The following RASA2 variants were observed in gnomAD, a reference collection of about 807,000 sequenced individuals.
RASA2 encodes the protein RAS p21 protein activator 2, also known as ras GTPase-activating protein 2.
Under a neutral mutation model 118.2 loss-of-function variants are expected in RASA2, and 155 were observed. The ratio of observed to expected loss-of-function variants is 1.31; its 90% CI spans 1.15 to 1.50. RASA2 has a LOEUF of 1.50. Among genes scored for constraint, RASA2 ranks in the 40% most tolerant of loss-of-function variants. The pLI, the probability that RASA2 is intolerant of heterozygous loss-of-function variation, is 0.00. For synonymous variants in RASA2, 353 were observed against 349.1 expected (o/e 1.01, Z -0.12); for missense variants, 1,016 against 1,009.6 (o/e 1.01, Z -0.09).
chr3:141,512,712 A>G (rs1286335707), intron 2 of RASA2, among the ~76,000 whole-genome samples: 1 of 152,210 alleles, frequency 6.6e-6, no homozygotes. Flanking sequence ...GCACCGTAGC[A>G]ATGTGAACAT....
chr3:141,506,281 C>T (rs762504898), intron 1 of RASA2, among the ~76,000 whole-genome samples: 3 of 152,198 alleles, frequency 2.0e-5, no homozygotes, highest in Non-Finnish European at 4.4e-5. Context: ...GAAATAGTGA[C>T]AGTTGTACAC....
At chr3:141,508,200 C>T (rs1344062352) in intron 1 of RASA2, among the ~76,000 whole-genome samples, 4 of 151,364 alleles carry the variant, frequency 2.6e-5, no homozygotes, top group East Asian at 1.9e-4. Flanking sequence ...AGTTTCCTCA[C>T]GTTTAAGATG....
At chr3:141,506,683 C>T (rs916376059) in intron 1 of RASA2, among the ~76,000 whole-genome samples, 10 of 151,778 alleles carry the variant, frequency 6.6e-5, no homozygotes, top group Admixed American at 1.3e-4. Context: ...GAGGCCAAGG[C>T]AGGCAGATCT....
At chr3:141,546,725 G>A (rs1053426215) in intron 5 of RASA2, among the ~76,000 whole-genome samples, 1 of 152,104 alleles carries the variant, frequency 6.6e-6, no homozygotes, top group African/African-American at 2.4e-5. Flanking sequence ...CGCTTTGGTT[G>A]CCTGTGCTTG....
At chr3:141,494,942 A>T (rs2081682162) in intron 1 of RASA2, among the ~76,000 whole-genome samples, 1 of 152,212 alleles carries the variant, frequency 6.6e-6, no homozygotes, top group Non-Finnish European at 1.5e-5. Flanking sequence ...AGATCCAGTG[A>T]GGGCAGTCAG....
chr3:141,542,697 G>A (rs949741100), intron 5 of RASA2, among the ~76,000 whole-genome samples: 2 of 151,994 alleles, frequency 1.3e-5, no homozygotes, highest in South Asian at 2.1e-4. Context: ...TATCATGTGT[G>A]TTGATTTGTG....
chr3:141,531,321 G>C (rs1293676456), intron 4 of RASA2, among the ~76,000 whole-genome samples: 1 of 151,368 alleles, frequency 6.6e-6, no homozygotes, highest in Non-Finnish European at 1.5e-5. Context: ...GCTCTCAAAA[G>C]GTAAAAATCT....
intron 3 of RASA2, among the ~76,000 whole-genome samples, chr3:141,529,503 A>G (rs1463962968): frequency 1.3e-5 from 2 of 152,124 alleles, no homozygotes; most frequent in Non-Finnish European, 1.5e-5. Flanking sequence ...GACCCAGACA[A>G]ATGTCTGCCA....
At chr3:141,493,583 A>T (rs1446052752) in intron 1 of RASA2, among the ~76,000 whole-genome samples, 1 of 152,096 alleles carries the variant, frequency 6.6e-6, no homozygotes, top group Non-Finnish European at 1.5e-5. Flanking sequence ...TACCTAAATG[A>T]TGGCAACCTG....
intron 1 of RASA2, among the ~76,000 whole-genome samples, chr3:141,500,282 T>A (rs1169634407): frequency 6.6e-6 from 1 of 152,154 alleles, no homozygotes; most frequent in Non-Finnish European, 1.5e-5. Flanking sequence ...CTGAAGGGGG[T>A]AAATTTGAGA....
At chr3:141,527,176 G>A (rs1210210668) in intron 3 of RASA2, among the ~76,000 whole-genome samples, 1 of 152,276 alleles carries the variant, frequency 6.6e-6, no homozygotes, top group East Asian at 1.9e-4. Context: ...AATAAACTTT[G>A]TAGGCAACCC....
rs1286068131 is a variant in RASA2, at chr3:141,529,710, A to G, written c.358A>G (p.Lys120Glu). 5 of 1,607,550 alleles carry G rather than the reference A, an allele frequency of 3.1e-6. No homozygotes were observed. The highest frequency in any genetic ancestry group is 4.3e-6 in the Non-Finnish European group (5 of 1,174,910). ...NVLQRDLRIG[K>E]VAIKKEDLCN... is the part of the protein sequence containing the mutation. The stretch of plus-strand genomic sequence containing the variant: ...ATTGTTTTACTTATTTTCTGTAGGA[A>G]AAGTAGCCATCAAAAAAGAAGACTT... The change falls in exon 4 of 24, where the codon AAA (lysine) becomes GAA (glutamate). Residue 120 changes from lysine (K) to glutamate (E), a missense_variant and splice_region_variant. Physicochemically the swap from Lys to Glu is moderately conservative, Grantham distance 56 (BLOSUM62 1). Around this residue, in one of 2 missense-constraint regions of RASA2, gnomAD observed 896 missense variants for 836.4 expected, o/e 1.07. Coordinates refer to ENST00000286364, the MANE Select transcript of RASA2 (RefSeq NM_006506.5).
chr3:141,614,484 A>C lies in RASA2; in HGVS notation c.*2171A>C, dbSNP rs1175048389. 1 of 152,234 alleles carries C rather than the reference A, an allele frequency of 6.6e-6. No individual in the cohort carries two copies. Among genetic ancestry groups the C allele is most frequent in the Admixed American group, 6.5e-5 (1 of 15,280 alleles). The allele number at this position is 152,234 out of a possible 1,614,324, so 9.4% of individuals were successfully genotyped here. On this transcript the variant is annotated 3_prime_UTR_variant, in exon 24 of 24. Transcript: ENST00000286364. ...CTCATTCCTCTGCTGTTACTTACAA[A>C]TGTTTTAATTTTTACTACCTGATAT...
intron 9 of RASA2, among the ~76,000 whole-genome samples, chr3:141,566,034 A>G (rs1191361629): frequency 6.6e-6 from 1 of 152,230 alleles, no homozygotes; most frequent in Non-Finnish European, 1.5e-5. Context: ...ATGTTCTATT[A>G]AAGCCTTCCT....
chr3:141,571,488 T>A lies in RASA2; in HGVS notation c.1103T>A (p.Leu368Gln). Residue 368 changes from leucine to glutamine, a missense_variant, in exon 11 of 24, where the codon CTG (leucine) becomes CAG (glutamine). Physicochemically the swap from Leu to Gln is moderately radical, Grantham distance 113 (BLOSUM62 -2). This residue lies in a region of RASA2 where 896 missense variants were observed against 836.4 expected (regional missense o/e 1.07). Transcript: ENST00000286364. ...GCTGTTTTGCCCCTTGTACGACTGCTGCTGCACCATGATAAACTTGTTCCT... is the reference window on the plus strand; with the variant it reads ...GCTGTTTTGCCCCTTGTACGACTGCAGCTGCACCATGATAAACTTGTTCCT... ...NDAVLPLVRL[L>Q]LHHDKLVPFA... The A allele has an allele frequency of 6.2e-7, 1 of 1,613,470 alleles. No individual in the cohort carries two copies. The highest frequency in any genetic ancestry group is 8.5e-7 in the Non-Finnish European group (1 of 1,179,576).
chr3:141,574,320 G>A (rs1353611071), intron 14 of RASA2, among the ~76,000 whole-genome samples: 4 of 151,906 alleles, frequency 2.6e-5, no homozygotes, highest in African/African-American at 9.7e-5. Flanking sequence ...CTCCCGAGTA[G>A]CTGGGACTAC....
chr3:141,583,448 T>C (rs2083148512), intron 17 of RASA2, among the ~76,000 whole-genome samples: 1 of 152,012 alleles, frequency 6.6e-6, no homozygotes, highest in Admixed American at 6.6e-5. Context: ...TAAATTATTA[T>C]AAATAATAAA....
Position 141,614,687 on chromosome 3 carries a change from G to A in RASA2, c.*2374G>A, listed in dbSNP as rs552720808. On this transcript the variant is annotated 3_prime_UTR_variant, in exon 24 of 24. Coordinates refer to ENST00000286364, the MANE Select transcript of RASA2 (RefSeq NM_006506.5). ...GAAATTGTGGTGTGATCTGTTGCTT[G>A]TTTCGTTGTTGTTTTGTTTTTGTGT... is the stretch of plus-strand genomic sequence containing the variant. 2 of 152,208 alleles carry A rather than the reference G, an allele frequency of 1.3e-5. No homozygotes were observed. The highest frequency in any genetic ancestry group is 6.5e-5 in the Admixed American group (1 of 15,294). The allele number at this position is 152,208 out of a possible 1,614,324, so 9.4% of individuals were successfully genotyped here. A position where few individuals can be genotyped will look rare whatever the true frequency, so the allele number is the denominator to read the frequency against.
At chr3:141,580,486 T>C (rs1288959641) in intron 16 of RASA2, 35 bp downstream of exon 16, 1 of 1,498,970 alleles carries the variant, frequency 6.7e-7, no homozygotes, top group Non-Finnish European at 9.2e-7. Context: ...GTTTTTACAC[T>C]TCTAAATGTT....
Sources: gnomAD v4.1 joint callset for allele counts (sites outside exome capture counted in the v4.1 genomes callset) on GRCh38, gnomAD v4.1.1 for gene constraint, gnomAD v4.1.1 regional missense constraint, MANE v1.5 for transcripts, NCBI Gene and HGNC (gene_info 2026-07-23, HGNC 2026-07-21) for gene names.